Variants in PAFAH1B1 observed in about 807,000 individuals in gnomAD.
PAFAH1B1 encodes platelet-activating factor acetylhydrolase IB subunit beta.
A neutral mutation model predicts 57.5 loss-of-function variants in PAFAH1B1; 2 were observed. The observed-to-expected ratio is 0.03, with a 90% CI of 0.01 to 0.11. PAFAH1B1 has a LOEUF of 0.11. PAFAH1B1 is among the 10% of genes least tolerant of loss of function. The pLI is 1.00. For missense variants in PAFAH1B1, 257 were observed against 512.0 expected, an observed-to-expected ratio of 0.50 and a Z score of 4.81; for synonymous variants, 152 against 169.6, an observed-to-expected ratio of 0.90 and a Z score of 0.81.
At chr17:2,614,143 C>T (rs1004589109) in intron 1 of PAFAH1B1, among the ~76,000 whole-genome samples, 7 of 151,260 alleles carry the variant, frequency 4.6e-5, no homozygotes, top group Non-Finnish European at 5.9e-5. Flanking sequence ...ATCCTCCCAC[C>T]TTAGCCTCCT....
chr17:2,598,105 C>G (rs140983206), intron 1 of PAFAH1B1, among the ~76,000 whole-genome samples: 2 of 151,828 alleles, frequency 1.3e-5, no homozygotes, highest in Admixed American at 1.3e-4. Flanking sequence ...AAAAATTAGC[C>G]GGGCATGGTG....
At chr17:2,604,757 G>A (rs898190936) in intron 1 of PAFAH1B1, among the ~76,000 whole-genome samples, 2 of 152,078 alleles carry the variant, frequency 1.3e-5, no homozygotes, top group Non-Finnish European at 2.9e-5. Flanking sequence ...GGAGTGAGCC[G>A]AGATGGCGGC....
chr17:2,668,423 A>T (rs559610363), intron 5 of PAFAH1B1, among the ~76,000 whole-genome samples: 1 of 152,272 alleles, frequency 6.6e-6, no homozygotes, highest in South Asian at 2.1e-4. Flanking sequence ...GTGGTAGCTC[A>T]TGCCTATAGT....
chr17:2,601,361 C>T (rs1381482193), intron 1 of PAFAH1B1, among the ~76,000 whole-genome samples: 1 of 152,104 alleles, frequency 6.6e-6, no homozygotes, highest in Non-Finnish European at 1.5e-5. Context: ...TCTCGAACTC[C>T]TGACCTCGTG....
chr17:2,654,943 T>C (rs1039076270), intron 2 of PAFAH1B1, among the ~76,000 whole-genome samples: 4 of 150,392 alleles, frequency 2.7e-5, no homozygotes, highest in South Asian at 2.1e-4. Context: ...TGCGTGGCTT[T>C]TTTTTTTCTT....
chr17:2,676,945 G>A (rs1033369382), intron 9 of PAFAH1B1, among the ~76,000 whole-genome samples: 2 of 152,220 alleles, frequency 1.3e-5, no homozygotes, highest in African/African-American at 4.8e-5. Context: ...GGTGGATCAC[G>A]AGGTCAGGAG....
In PAFAH1B1 at chr17:2,642,974, C is replaced by T. The variant is rs2068716866; in HGVS notation, c.32+4654C>T. On this transcript the variant is annotated intron_variant, in intron 2 of 10. Transcript: ENST00000397195. ...CCTTCCACCATGTTACCCCCAACTC[C>T]TTTCATCCCTTGAGGGAACCAAGCT... Among the ~76,000 whole-genome samples, 3 of 152,268 alleles carry T rather than the reference C, an allele frequency of 2.0e-5. No homozygotes were observed. In the South Asian group the frequency reaches 6.2e-4, roughly 32 times the overall value.
At chr17:2,680,008 T>G (rs889162755) in intron 9 of PAFAH1B1, 156 bp from the exon 10 acceptor site, 1 of 716,862 alleles carries the variant, frequency 1.4e-6, no homozygotes, top group East Asian at 2.5e-5. Flanking sequence ...TCATGTCTTA[T>G]GAGTTTTCAG....
At chr17:2,633,821 T>C (rs993400104) in intron 1 of PAFAH1B1, among the ~76,000 whole-genome samples, 5 of 152,162 alleles carry the variant, frequency 3.3e-5, no homozygotes, top group Admixed American at 6.6e-5. Flanking sequence ...TCTCCTCTTT[T>C]TCTTTTACCT....
At chr17:2,615,989 G>A (rs1346267087) in intron 1 of PAFAH1B1, among the ~76,000 whole-genome samples, 1 of 152,180 alleles carries the variant, frequency 6.6e-6, no homozygotes, top group Non-Finnish European at 1.5e-5. Context: ...AGCGGCAGAG[G>A]CAGTGAATAC....
chr17:2,646,349 A>G (rs750020176), intron 2 of PAFAH1B1, among the ~76,000 whole-genome samples: 1 of 152,240 alleles, frequency 6.6e-6, no homozygotes, highest in Non-Finnish European at 1.5e-5. Flanking sequence ...GAAATTCAAC[A>G]TAAAATGAAC....
chr17:2,608,742 G>A (rs779103252), intron 1 of PAFAH1B1, among the ~76,000 whole-genome samples: 3 of 152,206 alleles, frequency 2.0e-5, no homozygotes, highest in African/African-American at 4.8e-5. Context: ...CTGGACAACC[G>A]GGTGCGACCT....
At chr17:2,673,144 C>A (rs1243705254) in intron 7 of PAFAH1B1, among the ~76,000 whole-genome samples, 1 of 152,062 alleles carries the variant, frequency 6.6e-6, no homozygotes, top group African/African-American at 2.4e-5. Flanking sequence ...GCAGTCACTT[C>A]GACTTTAACC....
chr17:2,641,496 A>G (rs2068694193), intron 2 of PAFAH1B1: 1 of 151,966 alleles, frequency 6.6e-6, no homozygotes, highest in Non-Finnish European at 1.5e-5. Context: ...GAGTTCTCAT[A>G]TTTTCCATAG....
chr17:2,671,887 A>G (rs1010084203), intron 6 of PAFAH1B1, among the ~76,000 whole-genome samples: 2 of 152,044 alleles, frequency 1.3e-5, no homozygotes, highest in African/African-American at 2.4e-5. Context: ...ACAGGCATGA[A>G]CCACTGCGCC....
At chr17:2,649,973 G>A (rs760579233) in intron 2 of PAFAH1B1, among the ~76,000 whole-genome samples, 1 of 152,130 alleles carries the variant, frequency 6.6e-6, no homozygotes, top group Non-Finnish European at 1.5e-5. Context: ...AGTATAAAGT[G>A]GTAGAGAAAA....
intron 1 of PAFAH1B1, among the ~76,000 whole-genome samples, chr17:2,606,758 A>G (rs2068208183): frequency 6.6e-6 from 1 of 151,284 alleles, no homozygotes; most frequent in South Asian, 2.1e-4. Flanking sequence ...ATAGCCATAT[A>G]AGTATTACCA....
At chr17:2,678,560 T>C (rs2069311368) in intron 9 of PAFAH1B1, among the ~76,000 whole-genome samples, 1 of 151,584 alleles carries the variant, frequency 6.6e-6, no homozygotes, top group Admixed American at 6.6e-5. Context: ...AGTAAGACTC[T>C]GTCTCCAGGA....
intron 1 of PAFAH1B1, among the ~76,000 whole-genome samples, chr17:2,622,744 A>G (rs776656545): frequency 4.7e-4 from 71 of 152,282 alleles, no homozygotes; most frequent in Admixed American, 1.5e-3. Flanking sequence ...AGGGACTCGT[A>G]TGGGGGGCTC....
Sources: gnomAD v4.1 joint callset for allele counts (sites outside exome capture counted in the v4.1 genomes callset) on GRCh38, gnomAD v4.1.1 for gene constraint, MANE v1.5 for transcripts, NCBI Gene and HGNC (gene_info 2026-07-23, HGNC 2026-07-21) for gene names.